ANO10: variants seen among roughly 807,000 people sequenced by gnomAD.
ANO10 encodes anoctamin 10.
A neutral mutation model predicts 74.7 loss-of-function variants in ANO10; 77 were observed. The observed-to-expected ratio is 1.03, with a 90% confidence interval of 0.86 to 1.25. The LOEUF is 1.25. Among genes scored for constraint, ANO10 ranks in the 50% most tolerant of loss-of-function variants. The pLI, the probability that ANO10 is intolerant of heterozygous loss-of-function variation, is 0.00. For synonymous variants in ANO10, 279 were observed against 284.9 expected (o/e 0.98, Z 0.21); for missense variants, 721 against 778.1 (o/e 0.93, Z 0.87).
intron 11 of ANO10, among the ~76,000 whole-genome samples, chr3:43,542,017 A>G (rs1255693997): frequency 6.6e-6 from 1 of 152,186 alleles, no homozygotes; most frequent in Non-Finnish European, 1.5e-5. Context: ...TTTAGGAATA[A>G]CCACTCCAGC....
At chr3:43,508,779 C>A (rs1040866246) in intron 11 of ANO10, among the ~76,000 whole-genome samples, 3 of 150,732 alleles carry the variant, frequency 2.0e-5, no homozygotes, top group Non-Finnish European at 4.4e-5. Flanking sequence ...GAACATCACA[C>A]ACCGGGGCCT....
rs560234921 is a variant in ANO10 at position 43,366,824 on chromosome 3, C to T, written c.*82G>A. ...CTGGGTTCAGGAGCCACGATGCTGC[C>T]CCGGGTACCCCCCCTGCCACCGTGG... On this transcript the variant is annotated 3_prime_UTR_variant, in exon 13 of 13. Coordinates refer to ENST00000292246, the MANE Select transcript of ANO10 (RefSeq NM_018075.5). The T allele has an allele frequency of 3.1e-4, 436 of 1,421,280 alleles. No individual in the cohort carries two copies. The highest frequency in any genetic ancestry group is 3.9e-4 in the Non-Finnish European group (404 of 1,030,692). 88.0% of individuals were successfully genotyped at this position (1,421,280 alleles called of 1,614,324 possible). A position where few individuals can be genotyped will look rare whatever the true frequency, so the allele number is the denominator to read the frequency against.
chr3:43,381,112 C>A (rs2091948576), intron 12 of ANO10, among the ~76,000 whole-genome samples: 1 of 152,096 alleles, frequency 6.6e-6, no homozygotes, highest in South Asian at 2.1e-4. Flanking sequence ...AGGGTAACCG[C>A]CCCCATGATT....
chr3:43,419,155 T>C (rs939834884), intron 12 of ANO10, among the ~76,000 whole-genome samples: 1 of 152,222 alleles, frequency 6.6e-6, no homozygotes, highest in African/African-American at 2.4e-5. Context: ...ACATGGCAGC[T>C]AGCTTCGCAA....
At chr3:43,625,852 C>T (rs1269274514), upstream of ANO10, among the ~76,000 whole-genome samples, 1 of 151,598 alleles carries the variant, frequency 6.6e-6, no homozygotes, top group Non-Finnish European at 1.5e-5. Flanking sequence ...TCTAACTGGT[C>T]AATTTTACCA....
intron 1 of ANO10, among the ~76,000 whole-genome samples, chr3:43,686,985 A>G (rs556943527): frequency 3.4e-4 from 52 of 151,974 alleles, no homozygotes; most frequent in Middle Eastern, 3.4e-3. Context: ...AGAGTCCAAG[A>G]AGCCCTAAAG....
At chr3:43,614,554 T>G (rs2082989133) in intron 1 of ANO10, among the ~76,000 whole-genome samples, 1 of 151,956 alleles carries the variant, frequency 6.6e-6, no homozygotes, top group Non-Finnish European at 1.5e-5. Context: ...CTTTTCCCTT[T>G]TCAAATCAGC....
chr3:43,521,912 A>G (rs751686655), intron 11 of ANO10, among the ~76,000 whole-genome samples: 1 of 152,228 alleles, frequency 6.6e-6, no homozygotes, highest in South Asian at 2.1e-4. Flanking sequence ...GAGTCCATCA[A>G]CAGAAGAATG....
intron 11 of ANO10, among the ~76,000 whole-genome samples, chr3:43,520,161 A>G (rs944635906): frequency 3.3e-5 from 5 of 151,862 alleles, no homozygotes; most frequent in Admixed American, 6.6e-5. Context: ...GGTCCATACA[A>G]CTTTCCTTCT....
Position 43,487,165 on chromosome 3 carries a change from C to T in ANO10, c.1798-54438G>A, listed in dbSNP as rs1210665412. The stretch of plus-strand genomic sequence containing the variant: ...CCCAGGGATGAAGCCCACTTGATCA[C>T]GGTGGATAAGCTTTTTGATGTGCTG... On this transcript the variant is annotated intron_variant, in intron 11 of 12. Coordinates refer to ENST00000292246, the MANE Select transcript of ANO10 (RefSeq NM_018075.5). 1.2e-3 allele frequency among the ~76,000 whole-genome samples: 180 copies of T among 150,138 alleles called. 2 individuals are homozygous for T. The highest frequency in any genetic ancestry group is 5.0e-3 in the South Asian group (23 of 4,632).
At chr3:43,487,559 C>T (rs1335170001) in intron 11 of ANO10, among the ~76,000 whole-genome samples, 11 of 150,602 alleles carry the variant, frequency 7.3e-5, no homozygotes, top group East Asian at 1.9e-4. Context: ...AGGAATTTAT[C>T]CATTTCTTCT....
chr3:43,376,595 G>A (rs1575600473), intron 12 of ANO10, among the ~76,000 whole-genome samples: 1 of 152,166 alleles, frequency 6.6e-6, no homozygotes, highest in East Asian at 1.9e-4. Context: ...ACAAAGTGAG[G>A]AAGACATGGG....
chr3:43,464,859 T>TA (rs2075547461), intron 11 of ANO10, among the ~76,000 whole-genome samples: 1 of 152,192 alleles, frequency 6.6e-6, no homozygotes, highest in African/African-American at 2.4e-5. Flanking sequence ...ATTTCCTCAA[T>TA]CTTAAAAAGA....
intron 11 of ANO10, among the ~76,000 whole-genome samples, chr3:43,537,240 A>G (rs2078752725): frequency 6.6e-6 from 1 of 152,178 alleles, no homozygotes; most frequent in Admixed American, 6.5e-5. Flanking sequence ...TTGGTCTATC[A>G]GAGAGCTCCT....
chr3:43,444,625 T>C (rs2093214042), intron 11 of ANO10, among the ~76,000 whole-genome samples: 2 of 152,176 alleles, frequency 1.3e-5, no homozygotes, highest in Non-Finnish European at 2.9e-5. Flanking sequence ...CTTGTAAACC[T>C]TAAACTGTTA....
chr3:43,450,652 C>G (rs541133769), intron 11 of ANO10, among the ~76,000 whole-genome samples: 1 of 152,332 alleles, frequency 6.6e-6, no homozygotes, highest in Non-Finnish European at 1.5e-5. Flanking sequence ...TCATTTGCCA[C>G]ACACTTTTAT....
intron 12 of ANO10, among the ~76,000 whole-genome samples, chr3:43,414,026 G>A (rs1370895231): frequency 6.6e-6 from 1 of 152,046 alleles, no homozygotes; most frequent in African/African-American, 2.4e-5. Context: ...CCTTTCCAAG[G>A]AAGGGTTTGA....
At chr3:43,462,887 G>C (rs1575920479) in intron 11 of ANO10, among the ~76,000 whole-genome samples, 1 of 152,224 alleles carries the variant, frequency 6.6e-6, no homozygotes, top group Non-Finnish European at 1.5e-5. Flanking sequence ...TCAGGCCATG[G>C]CTTCAGAGGG....
At chr3:43,518,772 T>C (rs182132869) in intron 11 of ANO10, among the ~76,000 whole-genome samples, 1 of 152,302 alleles carries the variant, frequency 6.6e-6, no homozygotes, top group African/African-American at 2.4e-5. Flanking sequence ...TCCTGCCTAG[T>C]AAATTTTAGT....
Sources: allele counts gnomAD v4.1 joint callset (sites outside exome capture counted in the v4.1 genomes callset), GRCh38; gene constraint gnomAD v4.1.1; transcripts MANE v1.5; gene names NCBI Gene and HGNC (gene_info 2026-07-23, HGNC 2026-07-21).